Variants in CHODL observed in about 807,000 individuals in gnomAD.
CHODL encodes transmembrane protein MT75.
Under a neutral mutation model 34.5 loss-of-function variants are expected in CHODL, and 29 were observed. The ratio of observed to expected loss-of-function variants is 0.84; its 90% CI spans 0.63 to 1.15. The LOEUF (loss-of-function observed/expected upper bound fraction) is 1.15. Ranked by LOEUF, CHODL falls within the 50% of genes most tolerant of loss-of-function variation. The probability of loss-of-function intolerance (pLI) is 0.00; values close to 1 mark genes in which losing one functional copy is unlikely to be tolerated. For missense variants in CHODL, 332 were observed against 332.5 expected, an observed-to-expected ratio of 1.00 and a Z score of 0.01; for synonymous variants, 125 against 116.1, an observed-to-expected ratio of 1.08 and a Z score of -0.49.
At chr21:18,239,311 G>A (rs2074059105) in intron 2 of CHODL, among the ~76,000 whole-genome samples, 1 of 151,992 alleles carries the variant, frequency 6.6e-6, no homozygotes, top group African/African-American at 2.4e-5. Flanking sequence ...CTATATTGCT[G>A]TCCTGCATTA....
intron 1 of CHODL, among the ~76,000 whole-genome samples, chr21:17,973,399 CTTTTCTTTTCTTTCTTTCTTTT>C (rs1568824345): frequency 6.9e-6 from 1 of 145,020 alleles, no homozygotes; most frequent in African/African-American, 2.6e-5. Flanking sequence ...TATGCATTTT[CTTTTCTTTTCTTTCTTTCTTTT>C]TTTTTTTTTT....
chr21:18,050,455 TC>T (rs991875721), intron 2 of CHODL, among the ~76,000 whole-genome samples: 4 of 151,952 alleles, frequency 2.6e-5, no homozygotes, highest in African/African-American at 9.7e-5. Flanking sequence ...GATACAGGGA[TC>T]CCATTTAAAG....
intron 2 of CHODL, among the ~76,000 whole-genome samples, chr21:18,205,772 T>C (rs1192048798): frequency 6.7e-6 from 1 of 148,914 alleles, no homozygotes; most frequent in Non-Finnish European, 1.5e-5. Context: ...AGTCTCACTC[T>C]GTTGCCCAGG....
chr21:17,962,207 C>T (rs960936819), intron 1 of CHODL, among the ~76,000 whole-genome samples: 1 of 152,194 alleles, frequency 6.6e-6, no homozygotes, highest in African/African-American at 2.4e-5. Context: ...CATTTATCCT[C>T]TTAAAGATGT....
intron 2 of CHODL, among the ~76,000 whole-genome samples, chr21:18,114,019 T>C (rs970567168): frequency 1.3e-5 from 2 of 152,202 alleles, no homozygotes; most frequent in African/African-American, 4.8e-5. Context: ...GATCATTATG[T>C]TAAGTGAAAT....
intron 2 of CHODL, among the ~76,000 whole-genome samples, chr21:18,210,622 A>T (rs1219761513): frequency 6.6e-6 from 1 of 152,166 alleles, no homozygotes; most frequent in African/African-American, 2.4e-5. Context: ...CAGTAGACCC[A>T]TCCAGTCCAA....
intron 1 of CHODL, among the ~76,000 whole-genome samples, chr21:17,944,245 A>T (rs13048751): frequency 0.24 from 36,903 of 152,100 alleles, 5,152 homozygotes; most frequent in South Asian, 0.41. Flanking sequence ...ATAACCCTGC[A>T]TAGACAGGGA....
chr21:18,090,669 TA>T (rs987690687), intron 2 of CHODL, among the ~76,000 whole-genome samples: 1 of 87,936 alleles, frequency 1.1e-5, no homozygotes, highest in African/African-American at 5.2e-5. Flanking sequence ...AAAAGGAAAA[TA>T]AAAAAATGTA....
At chr21:18,018,976 G>A (rs572610990) in intron 1 of CHODL, among the ~76,000 whole-genome samples, 1 of 152,252 alleles carries the variant, frequency 6.6e-6, no homozygotes, top group East Asian at 1.9e-4. Flanking sequence ...TTATCTGCCT[G>A]TCCAGTCCTA....
chr21:18,133,964 C>G (rs2072689369), intron 2 of CHODL, among the ~76,000 whole-genome samples: 1 of 152,138 alleles, frequency 6.6e-6, no homozygotes, highest in South Asian at 2.1e-4. Context: ...ATATCTGTGT[C>G]TACTATTATA....
chr21:18,052,927 T>A (rs1466180799), intron 2 of CHODL, among the ~76,000 whole-genome samples: 2 of 152,006 alleles, frequency 1.3e-5, no homozygotes, highest in Admixed American at 6.6e-5. Flanking sequence ...TATTTTTCTC[T>A]AACCTGTGTC....
rs2073973598 is a variant in CHODL, at chr21:18,231,027, TG to T, written c.-44-25481del. ...TTTGATTCAATTCAACCAATGTTTATGTAGCCCCGACCATGGGCGGAACACC... is the reference window on the plus strand; with the variant it reads ...TTTGATTCAATTCAACCAATGTTTATTAGCCCCGACCATGGGCGGAACACC... On this transcript the variant is annotated intron_variant, in intron 2 of 6. Coordinates refer to the CHODL transcript ENST00000400127. Among the ~76,000 whole-genome samples the T allele has an allele frequency of 3.9e-5, 6 of 152,264 alleles. 1 individual carries two copies. The highest frequency in any genetic ancestry group is 1.4e-4 in the African/African-American group (6 of 41,568).
intron 1 of CHODL, among the ~76,000 whole-genome samples, chr21:18,013,635 C>CTGTTTTTTTTTTTTTTT (rs2064040705): frequency 2.8e-5 from 2 of 71,894 alleles, no homozygotes; most frequent in African/African-American, 6.3e-5. Context: ...GCTGCTGCTG[C>CTGTTTTTTTTTTTTTTT]TTTTTTTTTT....
chr21:18,106,501 CT>C (rs60995338), intron 2 of CHODL, among the ~76,000 whole-genome samples: 63 of 133,188 alleles, frequency 4.7e-4, no homozygotes, highest in East Asian at 1.6e-3. Context: ...TTTTCTTTTT[CT>C]TTTTTTTTTT....
chr21:18,079,408 C>CAT (rs1312438606), intron 2 of CHODL, among the ~76,000 whole-genome samples: 1 of 146,372 alleles, frequency 6.8e-6, no homozygotes, highest in Non-Finnish European at 1.5e-5. Context: ...ATATATATCA[C>CAT]ATATATATAC....
intron 2 of CHODL, among the ~76,000 whole-genome samples, chr21:18,165,176 C>T (rs1212814737): frequency 6.6e-6 from 1 of 152,160 alleles, no homozygotes; most frequent in East Asian, 1.9e-4. Flanking sequence ...CATTGACAAT[C>T]GTCATTTGGG....
intron 2 of CHODL, among the ~76,000 whole-genome samples, chr21:18,039,679 A>AT (rs1483541207): frequency 1.3e-5 from 2 of 151,792 alleles, no homozygotes; most frequent in African/African-American, 2.4e-5. Flanking sequence ...GATCCTGAAT[A>AT]TAAATTACTC....
intron 2 of CHODL, among the ~76,000 whole-genome samples, chr21:18,232,037 T>C (rs1204678116): frequency 1.3e-5 from 2 of 152,210 alleles, no homozygotes; most frequent in East Asian, 1.9e-4. Context: ...AGAGCACTGT[T>C]GAACTTGATG....
chr21:17,974,126 G>C (rs2091401366), intron 1 of CHODL, among the ~76,000 whole-genome samples: 2 of 152,134 alleles, frequency 1.3e-5, no homozygotes, highest in African/African-American at 4.8e-5. Context: ...AATCCAACAT[G>C]AAGTCTTTGG....
Sources: gnomAD v4.1 joint callset for allele counts (sites outside exome capture counted in the v4.1 genomes callset) on GRCh38, gnomAD v4.1.1 for gene constraint, MANE v1.5 for transcripts, NCBI Gene and HGNC (gene_info 2026-07-23, HGNC 2026-07-21) for gene names.